Variants in MAP2 observed in about 807,000 individuals in gnomAD.
MAP2 encodes the protein microtubule-associated protein 2.
In MAP2, 14 loss-of-function variants were observed where a neutral mutation model predicts 137.6. The observed-to-expected ratio is 0.10, with a 90% confidence interval of 0.07 to 0.16. MAP2 has a LOEUF of 0.16. Ranked by LOEUF, MAP2 falls within the 10% of genes least tolerant of loss-of-function variation. The pLI, the probability that MAP2 is intolerant of heterozygous loss-of-function variation, is 1.00. For missense variants in MAP2, 2,088 were observed against 2,191.5 expected (o/e 0.95, Z 0.94); for synonymous variants, 786 against 782.3 (o/e 1.00, Z -0.08).
chr2:209,628,131 C>A (rs1188517490), intron 4 of MAP2, among the ~76,000 whole-genome samples: 1 of 152,042 alleles, frequency 6.6e-6, no homozygotes, highest in African/African-American at 2.4e-5. Context: ...CTTTGGGAGG[C>A]CGAGGCAGAC....
intron 5 of MAP2, among the ~76,000 whole-genome samples, chr2:209,675,541 T>A (rs2050949881): frequency 6.6e-6 from 1 of 151,880 alleles, no homozygotes; most frequent in Non-Finnish European, 1.5e-5. Flanking sequence ...TTCAATGATT[T>A]TCAAAGTCTA....
In MAP2 at chr2:209,493,995, G is replaced by T. The variant is rs150483321; in HGVS notation, c.-221-13597G>T. ...AGACACATGCACTTGTATGTTTATT[G>T]CAGCACTCTTCACAATAGCAAAGAC... On this transcript the variant is annotated intron_variant, in intron 1 of 15. Coordinates refer to ENST00000682079, the MANE Select transcript of MAP2 (RefSeq NM_001375505.1). 1.5e-4 allele frequency among the ~76,000 whole-genome samples: 23 copies of T among 152,254 alleles called. No homozygotes were observed. In the East Asian group the frequency reaches 2.7e-3, roughly 18 times the overall value.
At chr2:209,563,496 C>T (rs1320594432) in intron 2 of MAP2, among the ~76,000 whole-genome samples, 3 of 152,176 alleles carry the variant, frequency 2.0e-5, no homozygotes, top group Non-Finnish European at 4.4e-5. Context: ...CCTTCAGAGG[C>T]CATATGAATC....
intron 5 of MAP2, among the ~76,000 whole-genome samples, chr2:209,662,209 T>C (rs1262509232): frequency 6.6e-6 from 1 of 152,210 alleles, no homozygotes; most frequent in Admixed American, 6.5e-5. Context: ...TATAATAGGA[T>C]ATTTAAAAAC....
chr2:209,458,742 A>G (rs918904228), intron 1 of MAP2, among the ~76,000 whole-genome samples: 3 of 152,300 alleles, frequency 2.0e-5, no homozygotes, highest in Admixed American at 1.3e-4. Context: ...CCTCCTGCCC[A>G]TCAGAAGTCC....
intron 1 of MAP2, among the ~76,000 whole-genome samples, chr2:209,456,432 T>C (rs1335677307): frequency 6.6e-6 from 1 of 152,216 alleles, no homozygotes; most frequent in Non-Finnish European, 1.5e-5. Context: ...ATTTTACTAC[T>C]CAGGCCTCTT....
rs1302792603 is a variant in MAP2, at chr2:209,598,578, C to T, written c.-107+18478C>T. ...TCGTCATCTAGCATTAGGTATATCT[C>T]CCAATGCTATCCCTCCCCCCTCCCC... On this transcript the variant is annotated intron_variant, in intron 3 of 15. Coordinates refer to ENST00000682079, the MANE Select transcript of MAP2 (RefSeq NM_001375505.1). Among the ~76,000 whole-genome samples the T allele has an allele frequency of 1.4e-3, 202 of 145,508 alleles. 1 individual carries two copies. In the East Asian group the frequency reaches 0.032, roughly 23 times the overall value.
chr2:209,720,017 G>T (rs1399928691), intron 13 of MAP2, among the ~76,000 whole-genome samples: 1 of 152,162 alleles, frequency 6.6e-6, no homozygotes, highest in Non-Finnish European at 1.5e-5. Context: ...CCTAGGGAGA[G>T]ATAATAACAT....
chr2:209,671,486 G>C (rs1394500387), intron 5 of MAP2, among the ~76,000 whole-genome samples: 1 of 151,796 alleles, frequency 6.6e-6, no homozygotes, highest in Non-Finnish European at 1.5e-5. Context: ...GTTTCCATCA[G>C]CAGCAGCAAT....
At chr2:209,534,693 G>C (rs1164273974) in intron 2 of MAP2, among the ~76,000 whole-genome samples, 1 of 152,028 alleles carries the variant, frequency 6.6e-6, no homozygotes, top group African/African-American at 2.4e-5. Flanking sequence ...ATAGAACATA[G>C]AATTATATAA....
At chr2:209,437,306 G>C (rs1487096875) in intron 1 of MAP2, among the ~76,000 whole-genome samples, 4 of 151,488 alleles carry the variant, frequency 2.6e-5, no homozygotes, top group African/African-American at 9.7e-5. Flanking sequence ...TAAGACCCAG[G>C]TATTTTGTCT....
chr2:209,710,146 G>A lies in MAP2; in HGVS notation c.4965G>A (p.Ala1655=), dbSNP rs760663956. ...TACGTACTCCTCCAAAATCTCCTGCGACTCCCAAGCAGCTTCGGCTTATTA... is the reference window on the plus strand; with the variant it reads ...TACGTACTCCTCCAAAATCTCCTGCAACTCCCAAGCAGCTTCGGCTTATTA... ...AIIRTPPKSP[A]TPKQLRLINQ... The change falls in exon 13 of 16, where the codon GCG becomes GCA. Residue 1655 remains alanine (A), a synonymous_variant. Coordinates refer to ENST00000682079, the MANE Select transcript of MAP2 (RefSeq NM_001375505.1). The A allele has an allele frequency of 5.0e-6, 8 of 1,613,672 alleles. No homozygotes were observed. Among genetic ancestry groups the A allele is most frequent in the African/African-American group, 2.7e-5 (2 of 74,806 alleles).
chr2:209,534,279 T>C (rs2065618586), intron 2 of MAP2, among the ~76,000 whole-genome samples: 1 of 152,218 alleles, frequency 6.6e-6, no homozygotes, highest in Admixed American at 6.5e-5. Context: ...GGATATCCAT[T>C]TTACAGATAA....
At chr2:209,665,398 G>A (rs2045866324) in intron 5 of MAP2, among the ~76,000 whole-genome samples, 1 of 152,146 alleles carries the variant, frequency 6.6e-6, no homozygotes, top group Non-Finnish European at 1.5e-5. Flanking sequence ...GGCTTAGGTT[G>A]AAAATGCCAC....
chr2:209,713,033 C>G (rs1455168707), intron 13 of MAP2, among the ~76,000 whole-genome samples: 1 of 152,016 alleles, frequency 6.6e-6, no homozygotes, highest in African/African-American at 2.4e-5. Context: ...TATATGGTCT[C>G]TAGGAATTCA....
chr2:209,675,800 A>G (rs1444324902), intron 5 of MAP2, among the ~76,000 whole-genome samples: 3 of 151,860 alleles, frequency 2.0e-5, no homozygotes, highest in Admixed American at 1.3e-4. Context: ...CTAAAAAAAG[A>G]ATACATATAA....
chr2:209,595,897 T>C (rs577789885), intron 3 of MAP2, among the ~76,000 whole-genome samples: 3 of 152,150 alleles, frequency 2.0e-5, no homozygotes, highest in African/African-American at 7.2e-5. Flanking sequence ...TAGGTGGGAA[T>C]TGAACAATGA....
chr2:209,710,572 A>G (rs1313513625), intron 13 of MAP2: 1 of 220,910 alleles, frequency 4.5e-6, no homozygotes, highest in Non-Finnish European at 8.9e-6. Context: ...TATATTTCTG[A>G]TATAAAATTG....
chr2:209,681,225 A>G (rs552233903), intron 7 of MAP2, among the ~76,000 whole-genome samples: 2 of 152,278 alleles, frequency 1.3e-5, no homozygotes, highest in African/African-American at 4.8e-5. Flanking sequence ...TGAAATCAAC[A>G]CTTCCTTATG....
Sources: gnomAD v4.1 joint callset for allele counts (sites outside exome capture counted in the v4.1 genomes callset) on GRCh38, gnomAD v4.1.1 for gene constraint, MANE v1.5 for transcripts, NCBI Gene and HGNC (gene_info 2026-07-23, HGNC 2026-07-21) for gene names.